The following SPTAN1 variants were observed in gnomAD, a reference collection of about 807,000 sequenced individuals.
SPTAN1 encodes spectrin alpha, non-erythrocytic 1, also known as spectrin alpha chain, non-erythrocytic 1.
In SPTAN1, 61 loss-of-function variants were observed where a neutral mutation model predicts 331.3. That is an observed-to-expected ratio of 0.18 (90% CI 0.15 to 0.23). The LOEUF (loss-of-function observed/expected upper bound fraction) is 0.23. Among genes scored for constraint, SPTAN1 ranks in the 10% least tolerant of loss-of-function variants. SPTAN1 has a pLI of 1.00. For missense variants in SPTAN1, 2,043 were observed against 3,147.9 expected (o/e 0.65, Z 8.40); for synonymous variants, 1,153 against 1,173.9 (o/e 0.98, Z 0.36).
At chr9:128,588,208 G>T (rs1217708700) in intron 20 of SPTAN1, among the ~76,000 whole-genome samples, 3 of 151,706 alleles carry the variant, frequency 2.0e-5, no homozygotes, top group Admixed American at 2.0e-4. Flanking sequence ...ATGTTGGCCG[G>T]GCTGGTCTTG....
At chr9:128,618,244 T>TGC (rs1464887100) in intron 43 of SPTAN1, 136 bp downstream of exon 43, 2 of 1,353,508 alleles carry the variant, frequency 1.5e-6, no homozygotes, top group African/African-American at 1.4e-5. Context: ...ATAGTCGGTT[T>TGC]GCTCCAGAGC....
At chr9:128,563,027 T>C (rs1173438181) in intron 1 of SPTAN1, among the ~76,000 whole-genome samples, 1 of 142,782 alleles carries the variant, frequency 7.0e-6, no homozygotes, top group Non-Finnish European at 1.5e-5. Flanking sequence ...TATATATATA[T>C]GTATATATTT....
intron 11 of SPTAN1, 48 bp downstream of exon 11, chr9:128,581,107 T>G (rs200130829): frequency 8.7e-6 from 14 of 1,611,988 alleles, no homozygotes; most frequent in African/African-American, 1.3e-5. Flanking sequence ...GAAGGGCCTG[T>G]GTTTTGCCTC....
At chr9:128,568,682 T>G in intron 2 of SPTAN1, 90 bp from the exon 3 acceptor site, 1 of 1,563,120 alleles carries the variant, frequency 6.4e-7, no homozygotes, top group Non-Finnish European at 8.7e-7. Flanking sequence ...GGGAGCAGGA[T>G]TGAGGAGGGG....
Position 128,574,606 on chromosome 9 carries a change from C to T in SPTAN1, c.364-69C>T, listed in dbSNP as rs571433254. 4.4e-6 allele frequency: 7 copies of T among 1,592,966 alleles called. No homozygotes were observed. The South Asian group carries it at 7.7e-5, about 18-fold the overall frequency. On this transcript the variant is annotated intron_variant, in intron 3 of 56. Transcript: ENST00000372739. ...CCATAAGGTCTCTAACTTGTCTAAA[C>T]TCTATGGAAGAGCCAGATCCCACAG...
At chr9:128,621,131 A>G in intron 44 of SPTAN1, 27 bp from the exon 45 acceptor site, 1 of 1,601,566 alleles carries the variant, frequency 6.2e-7, no homozygotes, top group African/African-American at 1.3e-5. Context: ...GGCTCTCAAT[A>G]GTGTGCCTTG....
At chr9:128,592,597 C>A (rs745477060) in intron 22 of SPTAN1, among the ~76,000 whole-genome samples, 14 of 152,144 alleles carry the variant, frequency 9.2e-5, no homozygotes, top group Non-Finnish European at 2.1e-4. Flanking sequence ...TACCAGTAGT[C>A]TGGGTCATAA....
chr9:128,561,686 A>AG (rs1849384280), intron 1 of SPTAN1, among the ~76,000 whole-genome samples: 1 of 147,166 alleles, frequency 6.8e-6, no homozygotes, highest in African/African-American at 2.5e-5. Context: ...AAAAAAAAAA[A>AG]AAGAATATGT....
Position 128,633,349 on chromosome 9 carries a change from C to T in SPTAN1, c.*15C>T, listed in dbSNP as rs571859220. 3 of 1,613,684 alleles carry T rather than the reference C, an allele frequency of 1.9e-6. No homozygotes were observed. In the East Asian group the frequency reaches 6.7e-5, roughly 36 times the overall value. ...TCGTGAACTGAGCCACTCCCTGGGT[C>T]ACCCACCCCTCGCTGCTTGCCCTGC... is the stretch of plus-strand genomic sequence containing the variant. On this transcript the variant is annotated 3_prime_UTR_variant, in exon 57 of 57. Coordinates refer to ENST00000372739, the MANE Select transcript of SPTAN1 (RefSeq NM_001130438.3).
rs766776858 is a variant in SPTAN1 at position 128,590,547 on chromosome 9, T to TAAAAAAAA, written c.3007-924_3007-923insAAAAAAAA. ...AGCGAGACCTCATCTCTATTTATAT[T>TAAAAAAAA]AAAAAAGAAAAAAAAAAAAAAGGGC... On this transcript the variant is annotated intron_variant, in intron 21 of 56. Transcript: ENST00000372739. Among the ~76,000 whole-genome samples, 2 of 104,170 alleles carry TAAAAAAAA rather than the reference T, an allele frequency of 1.9e-5. 1 individual carries two copies. 68.3% of individuals were successfully genotyped at this position (104,170 alleles called of 152,430 possible).
At chr9:128,587,818 A>T in intron 20 of SPTAN1, 120 bp downstream of exon 20, 1 of 764,762 alleles carries the variant, frequency 1.3e-6, no homozygotes, top group Non-Finnish European at 2.3e-6. Flanking sequence ...TGACACAAAG[A>T]TTTACAGAGT....
At chr9:128,560,084 C>CTT (rs376433063) in intron 1 of SPTAN1, among the ~76,000 whole-genome samples, 2,085 of 129,762 alleles carry the variant, frequency 0.016, 117 homozygotes, top group East Asian at 0.042. Flanking sequence ...TCCACCTCAC[C>CTT]TTTTTTTTTT....
In SPTAN1 at chr9:128,633,218, C is replaced by T; in HGVS notation, c.7318C>T (p.Arg2440Trp). ...TKEELYQNLTREQADYCVSHM... is the reference protein window; with the variant it reads ...TKEELYQNLTWEQADYCVSHM... The stretch of plus-strand genomic sequence containing the variant: ...ATCTCTTACCCCACAGAACCTGACC[C>T]GGGAACAAGCCGACTACTGCGTCTC... The change falls in exon 57 of 57, where the codon CGG (arginine) becomes TGG (tryptophan). Residue 2440 changes from arginine to tryptophan, a missense_variant. Arg to Trp is a moderately radical substitution (Grantham distance 101). This residue lies in a region of SPTAN1 where 88 missense variants were observed against 96.5 expected (regional missense o/e 0.91). Coordinates refer to ENST00000372739, the MANE Select transcript of SPTAN1 (RefSeq NM_001130438.3). The T allele has an allele frequency of 2.5e-6, 4 of 1,613,972 alleles. No homozygotes were observed. The highest frequency in any genetic ancestry group is 3.4e-6 in the Non-Finnish European group (4 of 1,180,018).
chr9:128,562,265 G>A (rs1486648150), intron 1 of SPTAN1, among the ~76,000 whole-genome samples: 3 of 152,104 alleles, frequency 2.0e-5, no homozygotes, highest in African/African-American at 4.8e-5. Flanking sequence ...ACCACACCCG[G>A]CTAATTTTTG....
At chr9:128,599,154 A>T (rs1205383142) in intron 26 of SPTAN1, 168 bp downstream of exon 26, 1 of 734,864 alleles carries the variant, frequency 1.4e-6, no homozygotes, top group African/African-American at 1.7e-5. Context: ...TTTTTTTTTG[A>T]GACGGAGTCT....
intron 24 of SPTAN1, chr9:128,596,624 A>G (rs1854330512): frequency 6.6e-6 from 1 of 152,086 alleles, no homozygotes; most frequent in Non-Finnish European, 1.5e-5. Context: ...AAGGATTCTT[A>G]CAACAAATTA....
chr9:128,591,168 T>C (rs1312738228), intron 21 of SPTAN1, among the ~76,000 whole-genome samples: 1 of 151,984 alleles, frequency 6.6e-6, no homozygotes, highest in Non-Finnish European at 1.5e-5. Context: ...TTCATGCCAT[T>C]CTCCTGCATC....
intron 40 of SPTAN1, among the ~76,000 whole-genome samples, chr9:128,614,768 A>G (rs531344103): frequency 6.6e-6 from 1 of 152,220 alleles, no homozygotes; most frequent in Non-Finnish European, 1.5e-5. Flanking sequence ...GAGCAAGGAA[A>G]AAAAAGTTGT....
intron 1 of SPTAN1, among the ~76,000 whole-genome samples, chr9:128,560,096 T>TTTC (rs1408583886): frequency 6.7e-6 from 1 of 150,290 alleles, no homozygotes; most frequent in African/African-American, 2.5e-5. Context: ...TTTTTTTTTT[T>TTTC]TTTAAGAGAC....
Sources: allele counts gnomAD v4.1 joint callset (sites outside exome capture counted in the v4.1 genomes callset), GRCh38; gene constraint gnomAD v4.1.1; regional missense constraint gnomAD v4.1.1; transcripts MANE v1.5; gene names NCBI Gene and HGNC (gene_info 2026-07-23, HGNC 2026-07-21).